MAP3K20: variants seen among roughly 807,000 people sequenced by gnomAD.
The protein encoded by MAP3K20 is HCCS-4.
Under a neutral mutation model 85.7 loss-of-function variants are expected in MAP3K20, and 40 were observed. The observed-to-expected ratio is 0.47, with a 90% CI of 0.36 to 0.61. The LOEUF is 0.61. MAP3K20 is among the 20% of genes least tolerant of loss of function. The pLI is 0.00. For missense variants in MAP3K20, 817 were observed against 961.7 expected, an observed-to-expected ratio of 0.85 and a Z score of 1.99; for synonymous variants, 325 against 327.7, an observed-to-expected ratio of 0.99 and a Z score of 0.09.
intron 3 of MAP3K20, among the ~76,000 whole-genome samples, chr2:173,177,166 T>G (rs1046112901): frequency 1.3e-5 from 2 of 152,180 alleles, no homozygotes; most frequent in African/African-American, 4.8e-5. Context: ...TATAGAAGAC[T>G]TGAAGAACAC....
chr2:173,167,843 T>C (rs1689880167), intron 2 of MAP3K20, among the ~76,000 whole-genome samples: 1 of 152,140 alleles, frequency 6.6e-6, no homozygotes, highest in Non-Finnish European at 1.5e-5. Context: ...ATTTATTCTT[T>C]ATTGATAGAA....
At position 173,253,763 on chromosome 2, in the gene MAP3K20, A is replaced by T. The variant is rs149930277; in HGVS notation, c.1360-4936A>T. ...GCCCACATTTCTATCACTCACCTCA[A>T]GCTAAAATCAGTAGTTTACCTGGGC... On this transcript the variant is annotated intron_variant, in intron 16 of 19. Transcript: ENST00000375213. 2.6e-5 allele frequency among the ~76,000 whole-genome samples: 4 copies of T among 152,256 alleles called. No individual in the cohort carries two copies. The East Asian group carries it at 7.7e-4, about 29-fold the overall frequency.
intron 2 of MAP3K20, among the ~76,000 whole-genome samples, chr2:173,165,107 T>A (rs564202005): frequency 6.6e-6 from 1 of 152,102 alleles, no homozygotes; most frequent in African/African-American, 2.4e-5. Flanking sequence ...CGTTTATATC[T>A]CAGATTGGGG....
Position 173,102,371 on chromosome 2 carries a change from T to A in MAP3K20, c.159+11181T>A, listed in dbSNP as rs144287707. On this transcript the variant is annotated intron_variant, in intron 2 of 19. Coordinates refer to ENST00000375213, the MANE Select transcript of MAP3K20 (RefSeq NM_016653.3). ...TGTCTTTGAATGAAGGGTTCTGTTC[T>A]ATAGCAGCTAGAAAGGATGTTTTCC... Among the ~76,000 whole-genome samples, 348 of 152,324 alleles carry A rather than the reference T, an allele frequency of 2.3e-3. 2 individuals are homozygous for A. Among genetic ancestry groups the A allele is most frequent in the African/African-American group, 7.9e-3 (329 of 41,568 alleles).
chr2:173,262,539 G>A (rs916886837), intron 18 of MAP3K20, among the ~76,000 whole-genome samples: 1 of 152,012 alleles, frequency 6.6e-6, no homozygotes, highest in African/African-American at 2.4e-5. Context: ...TGCAGAAGTT[G>A]TGGTGAGCTG....
At chr2:173,211,962 G>A (rs1036221621) in intron 10 of MAP3K20, 4 of 152,088 alleles carry the variant, frequency 2.6e-5, no homozygotes, top group Non-Finnish European at 5.9e-5. Flanking sequence ...TGTGTCTCAC[G>A]GGCTGAAATA....
chr2:173,115,942 T>C lies in MAP3K20; in HGVS notation c.159+24752T>C, dbSNP rs370956045. Among the ~76,000 whole-genome samples the C allele has an allele frequency of 7.2e-5, 11 of 151,788 alleles. No individual in the cohort carries two copies. In the East Asian group the frequency reaches 1.6e-3, roughly 21 times the overall value. On this transcript the variant is annotated intron_variant, in intron 2 of 19. Coordinates refer to ENST00000375213, the MANE Select transcript of MAP3K20 (RefSeq NM_016653.3). ...ACATGGCTGGGAGGTGTCAAGAAACTTGCAATCATGGCAGAAAGGCGAAGG... is the reference window on the plus strand; with the variant it reads ...ACATGGCTGGGAGGTGTCAAGAAACCTGCAATCATGGCAGAAAGGCGAAGG...
chr2:173,116,544 C>T (rs1688129387), intron 2 of MAP3K20, among the ~76,000 whole-genome samples: 1 of 152,210 alleles, frequency 6.6e-6, no homozygotes, highest in Non-Finnish European at 1.5e-5. Context: ...CCCCTCATCA[C>T]TGACTTTGTT....
At chr2:173,162,540 G>T (rs1288639352) in intron 2 of MAP3K20, among the ~76,000 whole-genome samples, 2 of 151,982 alleles carry the variant, frequency 1.3e-5, no homozygotes, top group African/African-American at 4.8e-5. Context: ...ACAAAAATTA[G>T]CCAGGTGTGG....
intron 11 of MAP3K20, chr2:173,224,603 A>G (rs931297236): frequency 4.1e-6 from 4 of 985,302 alleles, no homozygotes; most frequent in Non-Finnish European, 4.8e-6. Flanking sequence ...AGGAATTAGA[A>G]TACAGCAGAA....
At chr2:173,234,722 C>G (rs1258600585) in intron 14 of MAP3K20, among the ~76,000 whole-genome samples, 1 of 152,196 alleles carries the variant, frequency 6.6e-6, no homozygotes, top group Non-Finnish European at 1.5e-5. Context: ...GCAGCTCCGT[C>G]TGCAGAACAC....
intron 12 of MAP3K20, among the ~76,000 whole-genome samples, chr2:173,231,304 G>C (rs1000343053): frequency 5.3e-5 from 8 of 152,138 alleles, no homozygotes; most frequent in African/African-American, 1.7e-4. Context: ...TTTGGCTTCC[G>C]TAGGGTAAGG....
Position 173,183,844 on chromosome 2 carries a change from C to T in MAP3K20, c.349+889C>T, listed in dbSNP as rs186684223. Among the ~76,000 whole-genome samples the T allele has an allele frequency of 2.0e-5, 3 of 152,320 alleles. No individual in the cohort carries two copies. In the East Asian group the frequency reaches 5.8e-4, roughly 29 times the overall value. On this transcript the variant is annotated intron_variant, in intron 4 of 19. Transcript: ENST00000375213. ...ATTTAGCACTCAGTAAGGGGAGCAA[C>T]TCATACGTTGATTTCACTGTGTGAC...
rs1453781423 is a variant in MAP3K20 at position 173,229,737 on chromosome 2, A to G, written c.1032+4A>G. 14 of 1,614,096 alleles carry G rather than the reference A, an allele frequency of 8.7e-6. No individual in the cohort carries two copies. Among genetic ancestry groups the G allele is most frequent in the Non-Finnish European group, 1.1e-5 (13 of 1,179,990 alleles). On this transcript the variant is annotated splice_donor_region_variant and intron_variant, in intron 12 of 19. Coordinates refer to ENST00000375213, the MANE Select transcript of MAP3K20 (RefSeq NM_016653.3). ...TGCATGGACGGAAGACGATGTGGTAAGCTCTTTGTATTCATGCCTTATTTG... is the reference window on the plus strand; with the variant it reads ...TGCATGGACGGAAGACGATGTGGTAGGCTCTTTGTATTCATGCCTTATTTG...
chr2:173,136,022 T>C (rs1451118964), intron 2 of MAP3K20, among the ~76,000 whole-genome samples: 2 of 152,212 alleles, frequency 1.3e-5, no homozygotes. Context: ...TTAGTTTAGA[T>C]ATTCATTGAC....
At chr2:173,264,672 G>T (rs372974925) in intron 19 of MAP3K20, among the ~76,000 whole-genome samples, 1 of 152,050 alleles carries the variant, frequency 6.6e-6, no homozygotes, top group African/African-American at 2.4e-5. Flanking sequence ...CTACATGGAG[G>T]GGGATGGAGA....
intron 11 of MAP3K20, chr2:173,226,288 T>C: frequency 2.0e-6 from 2 of 985,422 alleles, no homozygotes; most frequent in Non-Finnish European, 1.2e-6. Context: ...GTAAGAGTTT[T>C]ATGAAAGACA....
intron 2 of MAP3K20, among the ~76,000 whole-genome samples, chr2:173,119,016 G>A (rs1688202016): frequency 6.6e-6 from 1 of 152,114 alleles, no homozygotes; most frequent in African/African-American, 2.4e-5. Flanking sequence ...ATTTGAATAG[G>A]GAAACTTCAG....
At chr2:173,161,171 A>C (rs923534231) in intron 2 of MAP3K20, among the ~76,000 whole-genome samples, 18 of 152,242 alleles carry the variant, frequency 1.2e-4, no homozygotes, top group African/African-American at 4.3e-4. Flanking sequence ...AAGGATTCTC[A>C]AGAAATTGTG....
Sources: gnomAD v4.1 joint callset for allele counts (sites outside exome capture counted in the v4.1 genomes callset) on GRCh38, gnomAD v4.1.1 for gene constraint, MANE v1.5 for transcripts, NCBI Gene and HGNC (gene_info 2026-07-23, HGNC 2026-07-21) for gene names.